Variants in ZC3H12B observed in about 807,000 individuals in gnomAD.
ZC3H12B encodes the protein zinc finger CCCH-type containing 12B, also known as probable ribonuclease ZC3H12B.
ZC3H12B carries 7 observed loss-of-function variants against 43.9 expected under a neutral mutation model. The ratio of observed to expected loss-of-function variants is 0.16; its 90% CI spans 0.09 to 0.30. ZC3H12B has a LOEUF of 0.30. Ranked by LOEUF, ZC3H12B falls within the 10% of genes least tolerant of loss-of-function variation. The pLI, the probability that ZC3H12B is intolerant of heterozygous loss-of-function variation, is 1.00. For missense variants in ZC3H12B, 475 were observed against 670.2 expected (o/e 0.71, Z 3.22); for synonymous variants, 222 against 241.7 (o/e 0.92, Z 0.76).
the ZC3H12B span, among the ~76,000 whole-genome samples, chrX:65,254,925 G>A: frequency 9.0e-6 from 1 of 111,578 alleles, no homozygotes; most frequent in Non-Finnish European, 1.9e-5. Context: ...ACAATCACAA[G>A]TATTAACAGC....
At chrX:65,294,557 A>T in the ZC3H12B span, among the ~76,000 whole-genome samples, 1 of 111,756 alleles carries the variant, frequency 8.9e-6, no homozygotes, top group East Asian at 2.8e-4. Flanking sequence ...AGGAAACAGA[A>T]TGGAGGAATG....
the ZC3H12B span, among the ~76,000 whole-genome samples, chrX:65,070,282 G>A: frequency 5.4e-5 from 6 of 110,539 alleles, no homozygotes; most frequent in African/African-American, 2.0e-4. Flanking sequence ...TGAGGTCAGT[G>A]GTAATGTTCC....
chrX:65,459,882 A>C (rs1291125890), intron 3 of ZC3H12B, among the ~76,000 whole-genome samples: 5 of 111,589 alleles, frequency 4.5e-5, no homozygotes, highest in Non-Finnish European at 7.5e-5. Context: ...AGAAGGAAAT[A>C]AAGGGTATTC....
chrX:65,487,790 A>G (rs1180665290), upstream of ZC3H12B, among the ~76,000 whole-genome samples: 1 of 112,137 alleles, frequency 8.9e-6, no homozygotes, highest in Non-Finnish European at 1.9e-5. Context: ...AGCAATTTTA[A>G]TGGTTTTCTA....
At chrX:65,133,670 G>A in the ZC3H12B span, among the ~76,000 whole-genome samples, 1 of 110,934 alleles carries the variant, frequency 9.0e-6, no homozygotes, top group East Asian at 2.9e-4. Flanking sequence ...TTATAGGGTG[G>A]GAGAGCGGAG....
chrX:65,472,942 A>G (rs1351018125), intron 3 of ZC3H12B, among the ~76,000 whole-genome samples: 22 of 81,251 alleles, frequency 2.7e-4, no homozygotes, highest in African/African-American at 1.2e-3. Flanking sequence ...ATATGTTTGT[A>G]CATATATATA....
chrX:65,114,857 G>A, the ZC3H12B span, among the ~76,000 whole-genome samples: 2 of 86,085 alleles, frequency 2.3e-5, no homozygotes, highest in Non-Finnish European at 4.5e-5. Flanking sequence ...ATTCTTTTTT[G>A]ACTTATTCAG....
the ZC3H12B span, among the ~76,000 whole-genome samples, chrX:65,161,297 A>C: frequency 1.8e-5 from 2 of 111,359 alleles, no homozygotes; most frequent in Non-Finnish European, 1.9e-5. Flanking sequence ...GCAGAGCTGA[A>C]TTCAATTCCT....
chrX:65,296,729 T>C, the ZC3H12B span, among the ~76,000 whole-genome samples: 1 of 111,083 alleles, frequency 9.0e-6, no homozygotes, highest in Admixed American at 9.6e-5. Flanking sequence ...CCAATATCCC[T>C]GATGAAGATA....
At chrX:65,145,946 T>C in the ZC3H12B span, among the ~76,000 whole-genome samples, 41 of 111,553 alleles carry the variant, frequency 3.7e-4, no homozygotes, top group African/African-American at 1.2e-3. Flanking sequence ...TTTGATAACC[T>C]GATGACAATG....
the ZC3H12B span, among the ~76,000 whole-genome samples, chrX:65,350,702 G>A: frequency 9.0e-6 from 1 of 111,594 alleles, no homozygotes; most frequent in Non-Finnish European, 1.9e-5. Context: ...CAAATCGTGA[G>A]TGAACTCCCG....
intron 2 of ZC3H12B, among the ~76,000 whole-genome samples, chrX:65,392,262 C>T (rs1044455748): frequency 9.0e-6 from 1 of 111,211 alleles, no homozygotes; most frequent in African/African-American, 3.3e-5. Context: ...TGCCTGGCTG[C>T]CCAGTCTGGG....
At chrX:65,191,967 C>T in the ZC3H12B span, among the ~76,000 whole-genome samples, 1 of 107,360 alleles carries the variant, frequency 9.3e-6, no homozygotes, top group Admixed American at 1.0e-4. Flanking sequence ...TACACACTGC[C>T]TTGAATGCGT....
At chrX:65,255,247 A>G in the ZC3H12B span, among the ~76,000 whole-genome samples, 1 of 111,361 alleles carries the variant, frequency 9.0e-6, no homozygotes, top group African/African-American at 3.3e-5. Flanking sequence ...CCCAAGACAC[A>G]TAGTCATTAG....
chrX:65,119,168 A>T, the ZC3H12B span, among the ~76,000 whole-genome samples: 1 of 111,573 alleles, frequency 9.0e-6, no homozygotes, highest in African/African-American at 3.3e-5. Context: ...TATACCCAGT[A>T]ATCGGATGGC....
At chrX:65,271,151 T>A in the ZC3H12B span, 1 of 112,498 alleles carries the variant, frequency 8.9e-6, no homozygotes, top group Non-Finnish European at 1.9e-5. Context: ...CGGTGCTGTC[T>A]AAGGCTCCAA....
chrX:65,389,802 G>A (rs1293295757), intron 2 of ZC3H12B, among the ~76,000 whole-genome samples: 1 of 112,530 alleles, frequency 8.9e-6, no homozygotes, highest in Non-Finnish European at 1.9e-5. Context: ...CTTTTACACT[G>A]TTGGTGGGAC....
the ZC3H12B span, among the ~76,000 whole-genome samples, chrX:65,138,078 C>T: frequency 1.8e-5 from 2 of 112,429 alleles, no homozygotes; most frequent in African/African-American, 6.5e-5. Flanking sequence ...AATCCTCCCG[C>T]CTCTGCCTCC....
chrX:65,255,501 G>T, the ZC3H12B span, among the ~76,000 whole-genome samples: 5 of 112,167 alleles, frequency 4.5e-5, 1 homozygote, highest in African/African-American at 1.3e-4. Flanking sequence ...AATGGAATTT[G>T]TTACCACCTG....
Sources: allele counts gnomAD v4.1 joint callset (sites outside exome capture counted in the v4.1 genomes callset), GRCh38; gene constraint gnomAD v4.1.1; transcripts MANE v1.5; gene names NCBI Gene and HGNC (gene_info 2026-07-23, HGNC 2026-07-21).